SHMT1: variants seen among roughly 807,000 people sequenced by gnomAD.
SHMT1 encodes the protein serine hydroxymethyltransferase, cytosolic.
Under a neutral mutation model 49.0 loss-of-function variants are expected in SHMT1, and 45 were observed. That is an observed-to-expected ratio of 0.92 (90% confidence interval 0.72 to 1.18). The LOEUF (loss-of-function observed/expected upper bound fraction) is 1.18. Among genes scored for constraint, SHMT1 ranks in the 50% most tolerant of loss-of-function variants. The pLI is 0.00. For missense variants in SHMT1, 541 were observed against 612.4 expected (o/e 0.88, Z 1.23); for synonymous variants, 232 against 246.6 (o/e 0.94, Z 0.55).
chr17:18,330,671 C>T lies in SHMT1; in HGVS notation c.1055G>A (p.Gly352Asp), dbSNP rs1433613400. The T allele has an allele frequency of 6.2e-7, 1 of 1,607,222 alleles. No individual in the cohort carries two copies. Among genetic ancestry groups the T allele is most frequent in the East Asian group, 2.2e-5 (1 of 44,856 alleles). The change falls in exon 10 of 12, where the codon GGT becomes GAT. Residue 352 changes from glycine to aspartate, a missense_variant and splice_region_variant. Transcript: ENST00000316694. ...LTELGYKIVT[G>D]GSDNHLILVD... The stretch of plus-strand genomic sequence containing the variant: ...AAGGATCAAATGGTTGTCAGAACCA[C>T]CTGGAAACAAAGTTGGACATGTAGA...
At position 18,328,462 on chromosome 17, in the gene SHMT1, G is replaced by T; in HGVS notation, c.*288C>A. The T allele has an allele frequency of 4.5e-6, 2 of 443,992 alleles. No individual in the cohort carries two copies. The highest frequency in any genetic ancestry group is 8.3e-6 in the Non-Finnish European group (2 of 239,854). The allele number at this position is 443,992 out of a possible 1,614,324, so 27.5% of individuals were successfully genotyped here. A position where few individuals can be genotyped will look rare whatever the true frequency, so the allele number is the denominator to read the frequency against. On this transcript the variant is annotated 3_prime_UTR_variant, in exon 12 of 12. Transcript: ENST00000316694. ...CCTACACCACCATCTAAATGATTAT[G>T]ACCAAGTGGCGACATAGTATTTTAT...
chr17:18,354,662 C>T (rs758961268), intron 2 of SHMT1, among the ~76,000 whole-genome samples: 19 of 152,108 alleles, frequency 1.2e-4, no homozygotes, highest in Non-Finnish European at 2.6e-4. Context: ...ATTTTTAACA[C>T]CACCATCCTG....
intron 3 of SHMT1, among the ~76,000 whole-genome samples, chr17:18,349,580 A>G (rs1313577703): frequency 6.6e-6 from 1 of 151,728 alleles, no homozygotes; most frequent in African/African-American, 2.4e-5. Context: ...TGAGCTAAGT[A>G]TAGTGGCTTG....
In SHMT1 at chr17:18,328,435, G is replaced by A; in HGVS notation, c.*315C>T. On this transcript the variant is annotated 3_prime_UTR_variant, in exon 12 of 12. Transcript: ENST00000316694. ...ACGCTACAATCTTTCTAACAGCTTT[G>A]CCCTACACCACCATCTAAATGATTA... 1 of 391,086 alleles carries A rather than the reference G, an allele frequency of 2.6e-6. No individual in the cohort carries two copies. The highest frequency in any genetic ancestry group is 2.3e-5 in the South Asian group (1 of 43,320). 24.2% of individuals were successfully genotyped at this position (391,086 alleles called of 1,614,324 possible).
At chr17:18,360,339 T>G (rs1262334257) in intron 1 of SHMT1, 2 of 151,946 alleles carry the variant, frequency 1.3e-5, no homozygotes, top group Non-Finnish European at 2.9e-5. Flanking sequence ...AGAAGATCAC[T>G]TGAGCCCAGG....
chr17:18,350,290 C>T (rs62072545), intron 3 of SHMT1, among the ~76,000 whole-genome samples: 39,526 of 151,868 alleles, frequency 0.26, 5,243 homozygotes, highest in East Asian at 0.3. Flanking sequence ...GAGATCGTGC[C>T]ACTGCGCTCC....
intron 3 of SHMT1, among the ~76,000 whole-genome samples, chr17:18,351,046 T>TA (rs1465495799): frequency 6.6e-6 from 1 of 152,102 alleles, no homozygotes; most frequent in Non-Finnish European, 1.5e-5. Context: ...TGTTTTCAAA[T>TA]ATTGCCTTTG....
chr17:18,333,287 C>A lies in SHMT1; in HGVS notation c.933G>T (p.Gly311=). 1 of 1,613,156 alleles carries A rather than the reference C, an allele frequency of 6.2e-7. No homozygotes were observed. Among genetic ancestry groups the A allele is most frequent in the East Asian group, 2.2e-5 (1 of 44,876 alleles). Residue 311 remains glycine, a splice_region_variant and synonymous_variant, in exon 9 of 12, where the codon GGG becomes GGT. Coordinates refer to ENST00000316694, the MANE Select transcript of SHMT1 (RefSeq NM_004169.5). ...TAGCTTGCTTCAGTGCCACAGCAAC[C>A]CCTGGACAAGAAGAGACAATGGGTC... ...QGGPHNHAIA[G]VAVALKQAMT...
intron 1 of SHMT1, among the ~76,000 whole-genome samples, chr17:18,359,602 A>C (rs1986562540): frequency 6.6e-6 from 1 of 151,266 alleles, no homozygotes. Context: ...CAGTGAGCCG[A>C]GATTGTGCCA....
At chr17:18,338,727 T>C (rs572254784) in intron 7 of SHMT1, among the ~76,000 whole-genome samples, 36 of 152,332 alleles carry the variant, frequency 2.4e-4, no homozygotes, top group African/African-American at 7.9e-4. Context: ...AAAATTCTTC[T>C]GTTAATCTAT....
chr17:18,354,886 AAAT>A (rs1986072802), intron 2 of SHMT1, among the ~76,000 whole-genome samples: 1 of 146,892 alleles, frequency 6.8e-6, no homozygotes, highest in Non-Finnish European at 1.5e-5. Flanking sequence ...AAAAAAAAAA[AAAT>A]AATACAAAAA....
chr17:18,331,066 T>A, intron 9 of SHMT1: 1 of 355,984 alleles, frequency 2.8e-6, no homozygotes, highest in Non-Finnish European at 5.5e-6. Flanking sequence ...AGGGGCATGT[T>A]CACAGAGCAC....
chr17:18,330,842 G>A (rs867743484), intron 9 of SHMT1, 171 bp from the exon 10 acceptor site: 4 of 672,436 alleles, frequency 5.9e-6, no homozygotes, highest in Middle Eastern at 6.1e-4. Context: ...CCGTGCCTAA[G>A]AATGTGAAAG....
Position 18,329,289 on chromosome 17 carries a change from A to C in SHMT1, c.1271T>G (p.Phe424Cys), listed in dbSNP as rs1386393196. ...LEKDFQKVAH[F>C]IHRGIELTLQ... Reference sequence around the variant, plus strand: ...ACTTTTATCCTTACCTCTGTGAATAAAGTGGGCTACTTTTTGGAAGTCTTT... The same window carrying C: ...ACTTTTATCCTTACCTCTGTGAATACAGTGGGCTACTTTTTGGAAGTCTTT... The change falls in exon 11 of 12, where the codon TTT (phenylalanine) becomes TGT (cysteine). Residue 424 changes from phenylalanine to cysteine, a missense_variant. By Grantham distance (205) the Phe-to-Cys change is radical. Coordinates refer to ENST00000316694, the MANE Select transcript of SHMT1 (RefSeq NM_004169.5). 2 of 1,611,574 alleles carry C rather than the reference A, an allele frequency of 1.2e-6. No individual in the cohort carries two copies. Among genetic ancestry groups the C allele is most frequent in the Non-Finnish European group, 1.7e-6 (2 of 1,178,326 alleles).
Position 18,335,664 on chromosome 17 carries a change from C to T in SHMT1, c.826G>A (p.Val276Met), listed in dbSNP as rs1423289519. The change falls in exon 8 of 12, where the codon GTG becomes ATG. Residue 276 changes from valine (V) to methionine (M), a missense_variant. Coordinates refer to ENST00000316694, the MANE Select transcript of SHMT1 (RefSeq NM_004169.5). ...MIFYRKGVKS[V>M]DPKTGKEILY... is the part of the protein sequence containing the mutation. ...ATCTCTTTGCCAGTCTTGGGATCCACACTTTTCACTCCTGGAGGAAGAAAA... is the reference window on the plus strand; with the variant it reads ...ATCTCTTTGCCAGTCTTGGGATCCATACTTTTCACTCCTGGAGGAAGAAAA... 1.9e-6 allele frequency: 3 copies of T among 1,611,452 alleles called. No homozygotes were observed. Among genetic ancestry groups the T allele is most frequent in the South Asian group, 1.1e-5 (1 of 91,018 alleles).
intron 7 of SHMT1, among the ~76,000 whole-genome samples, chr17:18,338,031 T>TGC (rs1984022869): frequency 7.1e-6 from 1 of 141,472 alleles, no homozygotes; most frequent in Non-Finnish European, 1.5e-5. Context: ...GCCTGGCCGC[T>TGC]CATCATCTGG....
At chr17:18,354,723 C>G (rs929437032) in intron 2 of SHMT1, among the ~76,000 whole-genome samples, 124 of 151,998 alleles carry the variant, frequency 8.2e-4, no homozygotes, top group Admixed American at 2.3e-3. Context: ...GAACCTTATT[C>G]CTTGTTCTTC....
intron 7 of SHMT1, among the ~76,000 whole-genome samples, chr17:18,338,624 G>A (rs1340693102): frequency 6.6e-6 from 1 of 152,244 alleles, no homozygotes; most frequent in African/African-American, 2.4e-5. Context: ...AGAAAAGGGG[G>A]AAATGTGGGG....
chr17:18,335,031 G>A (rs763564237), intron 8 of SHMT1, among the ~76,000 whole-genome samples: 6 of 152,334 alleles, frequency 3.9e-5, no homozygotes, highest in Middle Eastern at 3.4e-3. Context: ...TGAAGGCAGC[G>A]GGATAACTCT....
Sources: gnomAD v4.1 joint callset for allele counts (sites outside exome capture counted in the v4.1 genomes callset) on GRCh38, gnomAD v4.1.1 for gene constraint, MANE v1.5 for transcripts, NCBI Gene and HGNC (gene_info 2026-07-23, HGNC 2026-07-21) for gene names.